The following SPTB variants were observed in gnomAD, a reference collection of about 807,000 sequenced individuals.
The protein encoded by SPTB is spectrin beta chain, erythrocytic.
In SPTB, 45 loss-of-function variants were observed where a neutral mutation model predicts 256.2. The ratio of observed to expected loss-of-function variants is 0.18; its 90% CI spans 0.14 to 0.23. The LOEUF is 0.23. Ranked by LOEUF, SPTB falls within the 10% of genes least tolerant of loss-of-function variation. The probability of loss-of-function intolerance (pLI) is 1.00; values close to 1 mark genes in which losing one functional copy is unlikely to be tolerated. For synonymous variants in SPTB, 1,231 were observed against 1,243.1 expected (o/e 0.99, Z 0.21); for missense variants, 2,715 against 3,040.4 (o/e 0.89, Z 2.52).
At chr14:64,809,978 T>C (rs2083057997) in intron 2 of SPTB, among the ~76,000 whole-genome samples, 2 of 152,142 alleles carry the variant, frequency 1.3e-5, no homozygotes, top group South Asian at 2.1e-4. Flanking sequence ...ATTTAAATTA[T>C]ACAATTTGAA....
At chr14:64,754,053 A>G in intron 32 of SPTB, 2 of 583,202 alleles carry the variant, frequency 3.4e-6, no homozygotes, top group Non-Finnish European at 6.1e-6. Flanking sequence ...CCCTCTCTCC[A>G]ATGTAACATA....
chr14:64,772,991 G>T lies in SPTB; in HGVS notation c.5179-37C>A. Reference sequence around the variant, plus strand: ...GCAGACAGAAATGTGGTTATGGGGGGCACAGGGGTTACAGGTGTCACCAGC... The same window carrying T: ...GCAGACAGAAATGTGGTTATGGGGGTCACAGGGGTTACAGGTGTCACCAGC... On this transcript the variant is annotated intron_variant, in intron 25 of 35. Coordinates refer to ENST00000644917, the MANE Select transcript of SPTB (RefSeq NM_001355436.2). The surrounding 1 kb of genome is among the most constrained non-coding windows in gnomAD (Gnocchi z 5.4). The T allele has an allele frequency of 1.3e-6, 2 of 1,588,860 alleles. No homozygotes were observed. Among genetic ancestry groups the T allele is most frequent in the Non-Finnish European group, 1.7e-6 (2 of 1,170,968 alleles).
intron 2 of SPTB, among the ~76,000 whole-genome samples, chr14:64,814,754 G>A (rs229674): frequency 2.6e-5 from 4 of 152,024 alleles, no homozygotes; most frequent in Non-Finnish European, 5.9e-5. Flanking sequence ...TGGCCTCCCC[G>A]CTCAGCCTCC....
Position 64,759,001 on chromosome 14 carries a change from G to A in SPTB, c.6346-5208C>T, listed in dbSNP as rs1283795878. Among the ~76,000 whole-genome samples the A allele has an allele frequency of 6.6e-6, 1 of 152,308 alleles. No individual in the cohort carries two copies. Among genetic ancestry groups the A allele is most frequent in the African/African-American group, 2.4e-5 (1 of 41,568 alleles). On this transcript the variant is annotated intron_variant, in intron 32 of 35. Transcript: ENST00000644917. The surrounding 1 kb of genome is among the most constrained non-coding windows in gnomAD (Gnocchi z 4.8). ...TGGAGATGGGGTAGATGAAGCTGAT[G>A]TGAGAAAAGAGATTCTCAGAATTCT...
rs11623010 is a variant in SPTB, at chr14:64,767,382, G to A, written c.6220-30C>T. On this transcript the variant is annotated intron_variant, in intron 30 of 35. Coordinates refer to ENST00000644917, the MANE Select transcript of SPTB (RefSeq NM_001355436.2). Reference sequence around the variant, plus strand: ...AGGAGGAGAAGGCCCAGGGGTCAGAGCAGCCACAGAGGCGAGTTGTGTTCT... The same window carrying A: ...AGGAGGAGAAGGCCCAGGGGTCAGAACAGCCACAGAGGCGAGTTGTGTTCT... 159,396 of 1,612,974 alleles carry A rather than the reference G, an allele frequency of 0.099. 8,469 individuals carry two copies. The highest frequency in any genetic ancestry group is 0.11 in the Non-Finnish European group (129,171 of 1,179,614).
intron 1 of SPTB, among the ~76,000 whole-genome samples, chr14:64,833,888 A>G (rs924774761): frequency 6.6e-6 from 1 of 152,206 alleles, no homozygotes; most frequent in African/African-American, 2.4e-5. Context: ...CCGAGGACAC[A>G]CCATGTGGAG....
intron 1 of SPTB, among the ~76,000 whole-genome samples, chr14:64,846,372 G>T (rs538013841): frequency 2.0e-5 from 3 of 152,174 alleles, no homozygotes; most frequent in Non-Finnish European, 4.4e-5. Context: ...GGCTAATAGG[G>T]CCTCATACTT....
At position 64,847,715 on chromosome 14, in the gene SPTB, A is replaced by G. The variant is rs1415192989; in HGVS notation, c.-51-24570T>C. Among the ~76,000 whole-genome samples, 1 of 152,168 alleles carries G rather than the reference A, an allele frequency of 6.6e-6. No homozygotes were observed. The highest frequency in any genetic ancestry group is 1.5e-5 in the Non-Finnish European group (1 of 68,024). On this transcript the variant is annotated intron_variant, in intron 1 of 35. Transcript: ENST00000644917. The surrounding 1 kb of genome is among the most constrained non-coding windows in gnomAD (Gnocchi z 5.9). ...TATATTCCCTTCCTTTTCCAGCCAG[A>G]TTCTAAATAAACCACTTGAAACTCA... is the stretch of plus-strand genomic sequence containing the variant.
At chr14:64,862,951 G>T (rs1177507176) in intron 1 of SPTB, among the ~76,000 whole-genome samples, 2 of 152,030 alleles carry the variant, frequency 1.3e-5, no homozygotes, top group African/African-American at 4.8e-5. Context: ...ATGTGGTAGG[G>T]CCTGAAAATA....
chr14:64,831,424 GAAAACCTA>G (rs991746231), intron 1 of SPTB, among the ~76,000 whole-genome samples: 2 of 152,308 alleles, frequency 1.3e-5, no homozygotes, highest in Admixed American at 1.3e-4. Context: ...TCATAGTAGT[GAAAACCTA>G]AAAAGCTAAA....
chr14:64,769,855 G>GGCCA, intron 27 of SPTB, 127 bp from the exon 28 acceptor site: 1 of 1,313,280 alleles, frequency 7.6e-7, no homozygotes, highest in African/African-American at 1.5e-5. Flanking sequence ...CTCTCTCTCT[G>GGCCA]GCCAGCCAGG....
In SPTB at chr14:64,760,135, G is replaced by A. The variant is rs956802844; in HGVS notation, c.6346-6342C>T. Reference sequence around the variant, plus strand: ...GAGAGGCCACAGGCTCCCAATGGGTGCGGGATGGCCATCTCTGGGTCTTTG... The same window carrying A: ...GAGAGGCCACAGGCTCCCAATGGGTACGGGATGGCCATCTCTGGGTCTTTG... On this transcript the variant is annotated intron_variant, in intron 32 of 35. Transcript: ENST00000644917. This position sits in a 1 kb window ranked among gnomAD's most constrained non-coding sequence, Gnocchi z 4.3. Among the ~76,000 whole-genome samples the A allele has an allele frequency of 2.0e-5, 3 of 152,158 alleles. No homozygotes were observed. The highest frequency in any genetic ancestry group is 7.2e-5 in the African/African-American group (3 of 41,424).
chr14:64,753,542 G>A lies in SPTB; in HGVS notation c.6597C>T (p.Ser2199=). ...HDLEGPNKKA[S]NRSWNNLYCV... ...GCAGCCTCTCCCGCACTCACCTGTT[G>A]GAAGCCTTCTTGTTGGGCCCCTCCA... Residue 2199 remains serine (S), a synonymous_variant, in exon 33 of 36, where the codon TCC becomes TCT. Coordinates refer to ENST00000644917, the MANE Select transcript of SPTB (RefSeq NM_001355436.2). The A allele has an allele frequency of 1.9e-6, 3 of 1,613,482 alleles. No homozygotes were observed. The highest frequency in any genetic ancestry group is 2.2e-5 in the East Asian group (1 of 44,862).
In SPTB at chr14:64,775,274, A is replaced by T. The variant is rs780852707; in HGVS notation, c.4693T>A (p.Ser1565Thr). Residue 1565 changes from serine to threonine, a missense_variant, in exon 23 of 36, where the codon TCC (serine) becomes ACC (threonine). Transcript: ENST00000644917. The surrounding 1 kb of genome is among the most constrained non-coding windows in gnomAD (Gnocchi z 5.0). ...LEERLGHLQS[S>T]WDRLREAAAG... ...GCTGCCTCCCGCAGCCTGTCCCAGG[A>T]GCTCTGCAGGTGCCCCAGGCGCTCC... 6.2e-7 allele frequency: 1 copy of T among 1,613,586 alleles called. No individual in the cohort carries two copies. The highest frequency in any genetic ancestry group is 2.2e-5 in the East Asian group (1 of 44,886).
chr14:64,801,549 C>T, intron 6 of SPTB, 149 bp from the exon 7 acceptor site: 1 of 806,362 alleles, frequency 1.2e-6, no homozygotes, highest in Non-Finnish European at 2.1e-6. Flanking sequence ...GGAGAGGGGG[C>T]AGGTGTGAGC....
intron 15 of SPTB, among the ~76,000 whole-genome samples, chr14:64,789,195 AC>A (rs1346135433): frequency 6.6e-6 from 1 of 152,124 alleles, no homozygotes; most frequent in Non-Finnish European, 1.5e-5. Flanking sequence ...TACAAAAAAA[AC>A]AAAAAATTAG....
rs893806952 is a variant in SPTB at position 64,792,847 on chromosome 14, T to C, written c.2666+150A>G. Reference sequence around the variant, plus strand: ...GGCCACAGAGCCAGAATAGAACTTATGACTCCTAATGCCAGGACTTTGCAA... The same window carrying C: ...GGCCACAGAGCCAGAATAGAACTTACGACTCCTAATGCCAGGACTTTGCAA... On this transcript the variant is annotated intron_variant, in intron 14 of 35. Coordinates refer to ENST00000644917, the MANE Select transcript of SPTB (RefSeq NM_001355436.2). The surrounding 1 kb of genome is among the most constrained non-coding windows in gnomAD (Gnocchi z 4.2). The C allele has an allele frequency of 1.9e-6, 2 of 1,068,230 alleles. No individual in the cohort carries two copies. The highest frequency in any genetic ancestry group is 2.7e-6 in the Non-Finnish European group (2 of 731,072). 66.2% of individuals were successfully genotyped at this position (1,068,230 alleles called of 1,614,324 possible). A position where few individuals can be genotyped will look rare whatever the true frequency, so the allele number is the denominator to read the frequency against.
At position 64,844,554 on chromosome 14, in the gene SPTB, C is replaced by T. The variant is rs899246845; in HGVS notation, c.-51-21409G>A. 2.0e-5 allele frequency among the ~76,000 whole-genome samples: 3 copies of T among 152,226 alleles called. No individual in the cohort carries two copies. The highest frequency in any genetic ancestry group is 7.2e-5 in the African/African-American group (3 of 41,462). ...AAGCTACTTGCCCAAAGTCACACAACTGTGAGAAGCCTGATGCCGGTCTGA... is the reference window on the plus strand; with the variant it reads ...AAGCTACTTGCCCAAAGTCACACAATTGTGAGAAGCCTGATGCCGGTCTGA... On this transcript the variant is annotated intron_variant, in intron 1 of 35. Transcript: ENST00000644917. This position sits in a 1 kb window ranked among gnomAD's most constrained non-coding sequence, Gnocchi z 4.1.
At chr14:64,801,231 C>T (rs548631483) in intron 7 of SPTB, 54 bp downstream of exon 7, 22 of 1,475,860 alleles carry the variant, frequency 1.5e-5, no homozygotes, top group Admixed American at 1.0e-4. Context: ...TCTAGCACAG[C>T]GAGTGCATCC....
Sources: allele counts gnomAD v4.1 joint callset (sites outside exome capture counted in the v4.1 genomes callset), GRCh38; gene constraint gnomAD v4.1.1; non-coding constraint Gnocchi (gnomAD v3.1); transcripts MANE v1.5; gene names NCBI Gene and HGNC (gene_info 2026-07-23, HGNC 2026-07-21).